TMCO4: variants seen among roughly 807,000 people sequenced by gnomAD.
TMCO4 encodes transmembrane and coiled-coil domains 4.
TMCO4 carries 58 observed loss-of-function variants against 64.7 expected under a neutral mutation model. That is an observed-to-expected ratio of 0.90 (90% confidence interval 0.73 to 1.12). The LOEUF is 1.12. Ranked by LOEUF, TMCO4 falls within the 50% of genes most tolerant of loss-of-function variation. The pLI is 0.00. For missense variants in TMCO4, 780 were observed against 825.9 expected (o/e 0.94, Z 0.68); for synonymous variants, 325 against 346.1 (o/e 0.94, Z 0.68).
chr1:19,747,327 A>G, intron 7 of TMCO4, 67 bp from the exon 8 acceptor site: 8 of 1,373,626 alleles, frequency 5.8e-6, no homozygotes, highest in Non-Finnish European at 7.2e-6. Flanking sequence ...TCCCCACCAC[A>G]CCAACCCTCA....
intron 6 of TMCO4, among the ~76,000 whole-genome samples, chr1:19,763,220 T>C (rs55818566): frequency 0.12 from 17,810 of 151,970 alleles, 1,142 homozygotes; most frequent in Non-Finnish European, 0.13. Context: ...GGATCACAGG[T>C]ACCCACCACC....
At chr1:19,741,428 G>T (rs145307558) in intron 10 of TMCO4, among the ~76,000 whole-genome samples, 1 of 152,218 alleles carries the variant, frequency 6.6e-6, no homozygotes, top group Non-Finnish European at 1.5e-5. Context: ...CATGGCCTGG[G>T]AGATAGCTAG....
rs559591655 is a variant in TMCO4 at position 19,730,062 on chromosome 1, T to A, written c.1264+7310A>T. On this transcript the variant is annotated intron_variant, in intron 13 of 15. Coordinates refer to ENST00000294543, the MANE Select transcript of TMCO4 (RefSeq NM_181719.7). ...GTTTAGCATGGAGAGAAAAAGGTAA[T>A]AAGCTGTTTACCAAATGGTTCTAGC... Among the ~76,000 whole-genome samples the A allele has an allele frequency of 2.0e-5, 3 of 152,284 alleles. No individual in the cohort carries two copies. The East Asian group carries it at 5.8e-4, about 29-fold the overall frequency.
At position 19,734,200 on chromosome 1, in the gene TMCO4, C is replaced by T. The variant is rs183037087; in HGVS notation, c.1264+3172G>A. Among the ~76,000 whole-genome samples the T allele has an allele frequency of 1.7e-4, 26 of 152,196 alleles. No homozygotes were observed. Among genetic ancestry groups the T allele is most frequent in the Non-Finnish European group, 2.4e-4 (16 of 68,010 alleles). On this transcript the variant is annotated intron_variant, in intron 13 of 15. Transcript: ENST00000294543. This position sits in a 1 kb window ranked among gnomAD's most constrained non-coding sequence, Gnocchi z 4.4. ...AAATAGAGCTTGGTCTGCTGGAGCC[C>T]GGCATGTGAGGTGGAGAGAGGCGGG...
intron 6 of TMCO4, among the ~76,000 whole-genome samples, chr1:19,766,379 C>T (rs1423905316): frequency 6.6e-6 from 1 of 152,118 alleles, no homozygotes; most frequent in Non-Finnish European, 1.5e-5. Flanking sequence ...GTTCTTAGAA[C>T]CCAAGACAGT....
In TMCO4 at chr1:19,771,311, A is replaced by G. The variant is rs2042970061; in HGVS notation, c.351T>C (p.Thr117=). ...PILKDDPTVI[T]QDLLSFSLKD... Reference sequence around the variant, plus strand: ...CACCACCAGGTGTTGGGTGTACCTGAGTGATCACCGTCGGGTCGTCCTTCA... The same window carrying G: ...CACCACCAGGTGTTGGGTGTACCTGGGTGATCACCGTCGGGTCGTCCTTCA... Residue 117 remains threonine, a synonymous_variant, in exon 5 of 16, where the codon ACT becomes ACC. Coordinates refer to ENST00000294543, the MANE Select transcript of TMCO4 (RefSeq NM_181719.7). 1 of 1,613,642 alleles carries G rather than the reference A, an allele frequency of 6.2e-7. No individual in the cohort carries two copies. The highest frequency in any genetic ancestry group is 8.5e-7 in the Non-Finnish European group (1 of 1,179,826).
intron 6 of TMCO4, among the ~76,000 whole-genome samples, chr1:19,757,162 G>GT (rs952455851): frequency 1.4e-5 from 2 of 139,756 alleles, no homozygotes; most frequent in African/African-American, 2.5e-5. Context: ...GTGGTGGCGG[G>GT]GGGGGGCGCC....
At chr1:19,769,144 C>T (rs1570965292) in intron 6 of TMCO4, among the ~76,000 whole-genome samples, 1 of 152,154 alleles carries the variant, frequency 6.6e-6, no homozygotes, top group East Asian at 1.9e-4. Flanking sequence ...GAAAGGGTCA[C>T]TGGAGACAAA....
rs1385968806 is a variant in TMCO4, at chr1:19,743,838, T to C, written c.877+1694A>G. On this transcript the variant is annotated intron_variant, in intron 10 of 15. Coordinates refer to ENST00000294543, the MANE Select transcript of TMCO4 (RefSeq NM_181719.7). The surrounding 1 kb of genome is among the most constrained non-coding windows in gnomAD (Gnocchi z 4.1). ...CTGCCAGGGTTCCTCTTCCAACAGA[T>C]CAGGGTCAGAACAGCCCCACCTTGG... Among the ~76,000 whole-genome samples the C allele has an allele frequency of 6.6e-6, 1 of 152,140 alleles. No individual in the cohort carries two copies. Among genetic ancestry groups the C allele is most frequent in the Non-Finnish European group, 1.5e-5 (1 of 68,028 alleles).
chr1:19,698,220 C>A (rs759507768), intron 14 of TMCO4, among the ~76,000 whole-genome samples: 4 of 152,220 alleles, frequency 2.6e-5, no homozygotes, highest in African/African-American at 9.6e-5. Context: ...CCTGCTCCTT[C>A]TTCTGTCATC....
At position 19,740,892 on chromosome 1, in the gene TMCO4, G is replaced by C. The variant is rs2095476385; in HGVS notation, c.927C>G (p.Tyr309Ter). 2.5e-6 allele frequency: 4 copies of C among 1,614,066 alleles called. No individual in the cohort carries two copies. The highest frequency in any genetic ancestry group is 3.4e-6 in the Non-Finnish European group (4 of 1,179,994). The change falls in exon 11 of 16, where the codon TAC becomes TAG. Residue 309 changes from tyrosine (Y) to a stop codon, truncating the protein, a stop_gained. Coordinates refer to ENST00000294543, the MANE Select transcript of TMCO4 (RefSeq NM_181719.7). LOFTEE classifies it high-confidence loss of function. ...GGTACTTGGCTTCCCAGGCCAGGCAGTACTGCTCACGGCTGTGGGCCAGGG... is the reference window on the plus strand; with the variant it reads ...GGTACTTGGCTTCCCAGGCCAGGCACTACTGCTCACGGCTGTGGGCCAGGG... ...WAALAHSREQ[Y>*]CLAWEAKYLM...
At chr1:19,711,452 T>C (rs886918238) in intron 13 of TMCO4, among the ~76,000 whole-genome samples, 4 of 152,222 alleles carry the variant, frequency 2.6e-5, no homozygotes, top group Non-Finnish European at 1.5e-5. Context: ...GTGTGATGTT[T>C]CCTTTCACTT....
At chr1:19,774,553 T>TA (rs1042886950) in intron 4 of TMCO4, among the ~76,000 whole-genome samples, 2 of 152,034 alleles carry the variant, frequency 1.3e-5, no homozygotes, top group South Asian at 4.2e-4. Context: ...ACAAATGAAT[T>TA]AAAAAAAATA....
chr1:19,744,466 A>T (rs1027676171), intron 10 of TMCO4, among the ~76,000 whole-genome samples: 3 of 152,164 alleles, frequency 2.0e-5, no homozygotes, highest in Admixed American at 1.3e-4. Context: ...CAGAGAAGTT[A>T]TGTAACTTGC....
intron 10 of TMCO4, 26 bp downstream of exon 10, chr1:19,745,506 C>T (rs745876911): frequency 6.2e-7 from 1 of 1,614,012 alleles, no homozygotes; most frequent in East Asian, 2.2e-5. Context: ...CCACCCCCCT[C>T]CACTTCTGGT....
chr1:19,709,072 A>C (rs1175808743), intron 13 of TMCO4, among the ~76,000 whole-genome samples: 1 of 152,166 alleles, frequency 6.6e-6, no homozygotes, highest in Admixed American at 6.5e-5. Flanking sequence ...GGGGGGACCA[A>C]GAAAGGAGAA....
At chr1:19,752,227 G>A (rs1236459333) in intron 7 of TMCO4, among the ~76,000 whole-genome samples, 6 of 152,180 alleles carry the variant, frequency 3.9e-5, no homozygotes, top group African/African-American at 1.4e-4. Context: ...CCTTGGAAGT[G>A]AACACTCAGA....
rs769423306 is a variant in TMCO4, at chr1:19,780,628, G to A, written c.131C>T (p.Ala44Val). ...CTGGGACAGGGAGATGCCACAGAGGGCAGCATAGGCGAAGCGGTTGGCCTC... is the reference window on the plus strand; with the variant it reads ...CTGGGACAGGGAGATGCCACAGAGGACAGCATAGGCGAAGCGGTTGGCCTC... ...LTEANRFAYA[A>V]LCGISLSQLF... is the part of the protein sequence containing the mutation. The change falls in exon 4 of 16, where the codon GCC becomes GTC. Residue 44 changes from alanine to valine, a missense_variant. Ala to Val is a moderately conservative substitution (Grantham distance 64). Coordinates refer to ENST00000294543, the MANE Select transcript of TMCO4 (RefSeq NM_181719.7). 5.6e-6 allele frequency: 9 copies of A among 1,613,818 alleles called. No individual in the cohort carries two copies. Among genetic ancestry groups the A allele is most frequent in the Non-Finnish European group, 7.6e-6 (9 of 1,179,896 alleles).
intron 13 of TMCO4, among the ~76,000 whole-genome samples, chr1:19,709,794 C>CTT (rs796672415): frequency 1.5e-5 from 2 of 134,736 alleles, no homozygotes; most frequent in Non-Finnish European, 3.2e-5. Flanking sequence ...TCTTTTCTTT[C>CTT]TTTTTTTTTT....
Sources: gnomAD v4.1 joint callset for allele counts (sites outside exome capture counted in the v4.1 genomes callset) on GRCh38, gnomAD v4.1.1 for gene constraint, Gnocchi (gnomAD v3.1) non-coding constraint, MANE v1.5 for transcripts, NCBI Gene and HGNC (gene_info 2026-07-23, HGNC 2026-07-21) for gene names.